MYO5A: variants seen among roughly 807,000 people sequenced by gnomAD.
The protein encoded by MYO5A is myosin VA.
In MYO5A, 98 loss-of-function variants were observed where a neutral mutation model predicts 249.7. The ratio of observed to expected loss-of-function variants is 0.39; its 90% CI spans 0.33 to 0.46. The LOEUF (loss-of-function observed/expected upper bound fraction) is 0.46, where lower values mean the gene tolerates loss of function less well. MYO5A is among the 20% of genes least tolerant of loss of function. The probability of loss-of-function intolerance (pLI) is 0.98; values close to 1 mark genes in which losing one functional copy is unlikely to be tolerated. For missense variants in MYO5A, 1,696 were observed against 2,308.8 expected, an observed-to-expected ratio of 0.73 and a Z score of 5.44; for synonymous variants, 778 against 810.6, an observed-to-expected ratio of 0.96 and a Z score of 0.68.
chr15:52,456,999 A>G (rs1271639544), intron 1 of MYO5A, among the ~76,000 whole-genome samples: 1 of 152,236 alleles, frequency 6.6e-6, no homozygotes, highest in Non-Finnish European at 1.5e-5. Context: ...AGCAAAGAAA[A>G]CGATTAACAG....
chr15:52,350,166 T>G (rs1275083793), intron 28 of MYO5A, among the ~76,000 whole-genome samples: 1 of 152,152 alleles, frequency 6.6e-6, no homozygotes, highest in Non-Finnish European at 1.5e-5. Flanking sequence ...TCTCCTGACC[T>G]CGTGATCTGC....
At chr15:52,337,707 G>A (rs2140979926) in intron 33 of MYO5A, 103 bp downstream of exon 33, 2 of 814,644 alleles carry the variant, frequency 2.5e-6, no homozygotes, top group South Asian at 4.8e-5. Flanking sequence ...TGAAAATTTT[G>A]AAGAGACTTC....
In MYO5A at chr15:52,396,401, TA is replaced by T; in HGVS notation, c.1320-5del. ...ATTTATCTCAAATGTTTCAAATCTG[TA>T]ACCACAAAAATAATATGAAAAGGGG... On this transcript the variant is annotated splice_polypyrimidine_tract_variant and splice_region_variant and intron_variant, in intron 10 of 41. Transcript: ENST00000399233. 6.6e-7 allele frequency: 1 copy of T among 1,516,012 alleles called. No individual in the cohort carries two copies. Among genetic ancestry groups the T allele is most frequent in the Non-Finnish European group, 9.1e-7 (1 of 1,096,082 alleles). The allele number at this position is 1,516,012 out of a possible 1,614,324, so 93.9% of individuals were successfully genotyped here.
intron 1 of MYO5A, among the ~76,000 whole-genome samples, chr15:52,481,947 T>C (rs1178369386): frequency 6.6e-6 from 1 of 152,230 alleles, no homozygotes; most frequent in African/African-American, 2.4e-5. Flanking sequence ...AAACAGGATA[T>C]AATCAGTATT....
intron 38 of MYO5A, among the ~76,000 whole-genome samples, chr15:52,319,938 G>T (rs556115610): frequency 6.6e-6 from 1 of 152,320 alleles, no homozygotes; most frequent in East Asian, 1.9e-4. Context: ...TGTGTCTTGG[G>T]TGGGCTTTTG....
chr15:52,518,412 ATT>A, intron 1 of MYO5A, among the ~76,000 whole-genome samples: 1 of 152,334 alleles, frequency 6.6e-6, no homozygotes, highest in East Asian at 1.9e-4. Context: ...TAACATTTTC[ATT>A]TCTTAAACAA....
intron 31 of MYO5A, among the ~76,000 whole-genome samples, chr15:52,340,704 T>C (rs2039337575): frequency 6.6e-6 from 1 of 152,206 alleles, no homozygotes; most frequent in African/African-American, 2.4e-5. Flanking sequence ...CTCAGCACTT[T>C]GGGAGGCTGA....
intron 25 of MYO5A, among the ~76,000 whole-genome samples, chr15:52,354,589 C>T (rs564961288): frequency 4.6e-5 from 7 of 152,290 alleles, no homozygotes; most frequent in African/African-American, 1.4e-4. Context: ...GGCACGGTGG[C>T]TCATGCCTGT....
intron 1 of MYO5A, among the ~76,000 whole-genome samples, chr15:52,513,107 A>G (rs1000306166): frequency 6.6e-6 from 1 of 151,664 alleles, no homozygotes; most frequent in Admixed American, 6.6e-5. Flanking sequence ...GTAGGTTTAG[A>G]AAAAGATCGT....
intron 1 of MYO5A, among the ~76,000 whole-genome samples, chr15:52,471,527 G>A (rs562639409): frequency 5.3e-5 from 8 of 151,754 alleles, no homozygotes; most frequent in South Asian, 4.2e-4. Flanking sequence ...CACTGAGGTA[G>A]GAGGATCGTT....
rs555114270 is a variant in MYO5A at position 52,473,137 on chromosome 15, T to C, written c.28-39852A>G. Among the ~76,000 whole-genome samples, 9 of 152,364 alleles carry C rather than the reference T, an allele frequency of 5.9e-5. No homozygotes were observed. In the South Asian group the frequency reaches 6.2e-4, roughly 11 times the overall value. ...GTGGTTTTGATTTGCATTTCTCTGA[T>C]GGTCAGTGATGATGAGCATTTTTTC... On this transcript the variant is annotated intron_variant, in intron 1 of 41. Coordinates refer to ENST00000399233, the MANE Select transcript of MYO5A (RefSeq NM_001382347.1).
Position 52,410,489 on chromosome 15 carries a change from G to T in MYO5A, c.613-13C>A. On this transcript the variant is annotated splice_polypyrimidine_tract_variant and intron_variant, in intron 5 of 41. Coordinates refer to ENST00000399233, the MANE Select transcript of MYO5A (RefSeq NM_001382347.1). ...CATTTCCAATGGACTAAAAAGCAAG[G>T]GAGAAAATAAGATTTTAGAAGTGTA... is the stretch of plus-strand genomic sequence containing the variant. 2.5e-6 allele frequency: 4 copies of T among 1,608,412 alleles called. No individual in the cohort carries two copies. The highest frequency in any genetic ancestry group is 3.4e-6 in the Non-Finnish European group (4 of 1,175,168).
chr15:52,394,865 GT>G (rs1567084728), intron 11 of MYO5A, among the ~76,000 whole-genome samples: 1 of 152,172 alleles, frequency 6.6e-6, no homozygotes, highest in African/African-American at 2.4e-5. Flanking sequence ...TTTCTGATAA[GT>G]TTTTATTAAT....
intron 1 of MYO5A, among the ~76,000 whole-genome samples, chr15:52,519,738 C>T (rs2077575354): frequency 6.7e-6 from 1 of 148,238 alleles, no homozygotes; most frequent in South Asian, 2.1e-4. Context: ...CGCTCCATGG[C>T]TTTTTTTTTT....
intron 1 of MYO5A, chr15:52,505,344 T>C (rs1322055872): frequency 2.6e-6 from 2 of 778,102 alleles, no homozygotes; most frequent in African/African-American, 3.4e-5. Flanking sequence ...TGTGTCATGC[T>C]CTATGTTGGT....
intron 37 of MYO5A, among the ~76,000 whole-genome samples, chr15:52,321,792 T>TAAAAAAAAAAAAAAAAAAAAAAAAAA (rs71875115): frequency 1.1e-5 from 1 of 92,842 alleles, no homozygotes; most frequent in Non-Finnish European, 2.2e-5. Flanking sequence ...GGAACTTAAC[T>TAAAAAAAAAAAAAAAAAAAAAAAAAA]AAAAAAAAAA....
chr15:52,332,828 G>A (rs560049570), intron 34 of MYO5A, among the ~76,000 whole-genome samples: 3 of 152,250 alleles, frequency 2.0e-5, no homozygotes, highest in Admixed American at 2.0e-4. Flanking sequence ...AGCCGGGCAT[G>A]GTGGTACATG....
intron 1 of MYO5A, among the ~76,000 whole-genome samples, chr15:52,502,562 T>C (rs1002407058): frequency 6.6e-6 from 1 of 152,210 alleles, no homozygotes; most frequent in Non-Finnish European, 1.5e-5. Flanking sequence ...CCTCTGACCA[T>C]ACCACATCTA....
intron 4 of MYO5A, among the ~76,000 whole-genome samples, chr15:52,423,159 G>T (rs2075317899): frequency 6.6e-6 from 1 of 152,072 alleles, no homozygotes; most frequent in Admixed American, 6.5e-5. Flanking sequence ...ATGATGAATT[G>T]TACCTTCCCT....
Sources: allele counts gnomAD v4.1 joint callset (sites outside exome capture counted in the v4.1 genomes callset), GRCh38; gene constraint gnomAD v4.1.1; transcripts MANE v1.5; gene names NCBI Gene and HGNC (gene_info 2026-07-23, HGNC 2026-07-21).